The following AKT3 variants were observed in gnomAD, a reference collection of about 807,000 sequenced individuals.
The protein encoded by AKT3 is RAC-gamma serine/threonine-protein kinase.
AKT3 carries 15 observed loss-of-function variants against 65.3 expected under a neutral mutation model. The ratio of observed to expected loss-of-function variants is 0.23; its 90% CI spans 0.15 to 0.35. The LOEUF (loss-of-function observed/expected upper bound fraction) is 0.35, where lower values mean the gene tolerates loss of function less well. AKT3 is among the 10% of genes least tolerant of loss of function. The probability of loss-of-function intolerance (pLI) is 1.00; values close to 1 mark genes in which losing one functional copy is unlikely to be tolerated. For synonymous variants in AKT3, 206 were observed against 183.8 expected (o/e 1.12, Z -0.98); for missense variants, 243 against 576.5 (o/e 0.42, Z 5.92).
At chr1:243,758,576 T>G (rs1321932246) in intron 2 of AKT3, among the ~76,000 whole-genome samples, 1 of 152,164 alleles carries the variant, frequency 6.6e-6, no homozygotes, top group African/African-American at 2.4e-5. Flanking sequence ...GGGACCAGTT[T>G]CATGGAAGAC....
At chr1:243,846,265 A>T (rs1695518751) in intron 1 of AKT3, among the ~76,000 whole-genome samples, 1 of 152,106 alleles carries the variant, frequency 6.6e-6, no homozygotes, top group Non-Finnish European at 1.5e-5. Context: ...TCTAATATAG[A>T]TTCCAATATA....
chr1:243,602,000 C>T (rs1307721127), intron 8 of AKT3, among the ~76,000 whole-genome samples: 1 of 152,192 alleles, frequency 6.6e-6, no homozygotes, highest in Non-Finnish European at 1.5e-5. Flanking sequence ...AATGGCCATG[C>T]TCTGCCATAA....
intron 6 of AKT3, among the ~76,000 whole-genome samples, chr1:243,622,253 A>C (rs1188429386): frequency 6.6e-6 from 1 of 152,128 alleles, no homozygotes. Context: ...AAAATATCTA[A>C]AGGACTTGCT....
At chr1:243,798,413 TTTTTG>T (rs1558821248) in intron 2 of AKT3, among the ~76,000 whole-genome samples, 1 of 137,960 alleles carries the variant, frequency 7.2e-6, no homozygotes, top group Admixed American at 7.3e-5. Flanking sequence ...TTTTTTTTTT[TTTTTG>T]TTTTGTAGAG....
intron 13 of AKT3, among the ~76,000 whole-genome samples, chr1:243,509,560 G>A (rs894232860): frequency 6.6e-6 from 1 of 152,040 alleles, no homozygotes; most frequent in Non-Finnish European, 1.5e-5. Flanking sequence ...ATTTTGATTT[G>A]CTCTGGTCTT....
intron 2 of AKT3, among the ~76,000 whole-genome samples, chr1:243,797,437 A>G (rs754089872): frequency 6.6e-6 from 1 of 152,326 alleles, no homozygotes; most frequent in Non-Finnish European, 1.5e-5. Context: ...AAGACACTCA[A>G]TACACATTTG....
chr1:243,634,367 A>G lies in AKT3; in HGVS notation c.561+3244T>C, dbSNP rs112547557. ...TGTTTTTTTCCTACACATACTACCTAAGATAAAGTTTAATTTGTAAATTAG... is the reference window on the plus strand; with the variant it reads ...TGTTTTTTTCCTACACATACTACCTGAGATAAAGTTTAATTTGTAAATTAG... On this transcript the variant is annotated intron_variant, in intron 6 of 13. Transcript: ENST00000673466. 5.9e-5 allele frequency among the ~76,000 whole-genome samples: 9 copies of G among 152,146 alleles called. 1 individual carries two copies. The highest frequency in any genetic ancestry group is 2.2e-4 in the African/African-American group (9 of 41,550).
chr1:243,601,498 T>C (rs944575213), intron 8 of AKT3, among the ~76,000 whole-genome samples: 5 of 152,140 alleles, frequency 3.3e-5, no homozygotes, highest in Non-Finnish European at 7.4e-5. Context: ...TGGCTGATTT[T>C]GAAAAGAGTC....
At chr1:243,643,705 T>C (rs1252297311) in intron 5 of AKT3, among the ~76,000 whole-genome samples, 1 of 152,184 alleles carries the variant, frequency 6.6e-6, no homozygotes, top group Non-Finnish European at 1.5e-5. Context: ...ATGCAAGAAA[T>C]AGCAGTCTGA....
chr1:243,803,141 A>G (rs1370645028), intron 2 of AKT3, among the ~76,000 whole-genome samples: 2 of 152,180 alleles, frequency 1.3e-5, no homozygotes, highest in Admixed American at 6.5e-5. Context: ...CCCTGTCTCA[A>G]TAATTTTTTT....
intron 3 of AKT3, among the ~76,000 whole-genome samples, chr1:243,680,301 C>T (rs1455552585): frequency 3.3e-5 from 5 of 152,040 alleles, no homozygotes; most frequent in Admixed American, 6.6e-5. Context: ...GAGCACAAAA[C>T]AAATGAATGA....
Position 243,740,873 on chromosome 1 carries a change from T to C in AKT3, c.47-45157A>G, listed in dbSNP as rs1384353861. ...TATCTGGTATTGTACAAAGGCCAGG[T>C]AGGAAAGAATGACTTATGCCATGAC... On this transcript the variant is annotated intron_variant, in intron 2 of 13. Transcript: ENST00000673466. The C allele has an allele frequency of 3.3e-5, 5 of 152,144 alleles. No homozygotes were observed. In the East Asian group the frequency reaches 7.7e-4, roughly 24 times the overall value. 9.4% of individuals were successfully genotyped at this position (152,144 alleles called of 1,614,324 possible).
chr1:243,496,677 T>C (rs1037877721), downstream of AKT3, among the ~76,000 whole-genome samples: 3 of 152,174 alleles, frequency 2.0e-5, no homozygotes, highest in African/African-American at 4.8e-5. Context: ...GGCTGCCACT[T>C]CTGGCTGGTT....
At chr1:243,800,124 A>ACC (rs1233780022) in intron 2 of AKT3, among the ~76,000 whole-genome samples, 3 of 152,140 alleles carry the variant, frequency 2.0e-5, no homozygotes, top group African/African-American at 7.2e-5. Context: ...TCTCATCTGT[A>ACC]CCAGAAAAGC....
At chr1:243,768,771 G>A (rs1471150811) in intron 2 of AKT3, among the ~76,000 whole-genome samples, 1 of 149,692 alleles carries the variant, frequency 6.7e-6, no homozygotes, top group Non-Finnish European at 1.5e-5. Flanking sequence ...GGAGGCAGAG[G>A]TTGCAGTGAG....
chr1:243,621,584 A>G (rs1224150333), intron 6 of AKT3, among the ~76,000 whole-genome samples: 1 of 152,158 alleles, frequency 6.6e-6, no homozygotes, highest in Non-Finnish European at 1.5e-5. Flanking sequence ...TTATACCTCA[A>G]ATCTAGACTT....
chr1:243,713,286 T>C (rs1053347901), intron 2 of AKT3, among the ~76,000 whole-genome samples: 3 of 152,140 alleles, frequency 2.0e-5, no homozygotes, highest in Admixed American at 6.6e-5. Context: ...AAACTTTGTA[T>C]TGCCATTTAA....
At chr1:243,515,622 T>C (rs990159091) in intron 12 of AKT3, among the ~76,000 whole-genome samples, 4 of 152,224 alleles carry the variant, frequency 2.6e-5, no homozygotes, top group Non-Finnish European at 1.5e-5. Context: ...TTGTTAGATT[T>C]GATTTGCTAA....
At chr1:243,763,382 C>A (rs1031035958) in intron 2 of AKT3, among the ~76,000 whole-genome samples, 2 of 152,036 alleles carry the variant, frequency 1.3e-5, no homozygotes, top group Non-Finnish European at 2.9e-5. Flanking sequence ...CAATTATATT[C>A]AATGAATGAG....
Sources: allele counts gnomAD v4.1 joint callset (sites outside exome capture counted in the v4.1 genomes callset), GRCh38; gene constraint gnomAD v4.1.1; transcripts MANE v1.5; gene names NCBI Gene and HGNC (gene_info 2026-07-23, HGNC 2026-07-21).